The following STX11 variants were observed in gnomAD, a reference collection of about 807,000 sequenced individuals.
STX11 encodes syntaxin 11, also known as syntaxin-11.
STX11 carries 21 observed loss-of-function variants against 19.9 expected under a neutral mutation model. The observed-to-expected ratio is 1.06, with a 90% CI of 0.75 to 1.52. The LOEUF (loss-of-function observed/expected upper bound fraction) is 1.52. Ranked by LOEUF, STX11 falls within the 40% of genes most tolerant of loss-of-function variation. The probability of loss-of-function intolerance (pLI) is 0.00; values close to 1 mark genes in which losing one functional copy is unlikely to be tolerated. For missense variants in STX11, 438 were observed against 405.9 expected (o/e 1.08, Z -0.68); for synonymous variants, 193 against 174.4 (o/e 1.11, Z -0.84).
chr6:144,166,208 T>C (rs1801472983), intron 1 of STX11, among the ~76,000 whole-genome samples: 1 of 152,238 alleles, frequency 6.6e-6, no homozygotes. Context: ...GTGAGGGGAA[T>C]ACAGCTTACC....
the STX11 span, among the ~76,000 whole-genome samples, chr6:144,140,437 T>C: frequency 6.6e-6 from 1 of 151,444 alleles, no homozygotes; most frequent in African/African-American, 2.4e-5. Flanking sequence ...GTATTTTTAG[T>C]AGAGATGGGG....
Position 144,187,697 on chromosome 6 carries a change from T to A in STX11, c.*206T>A, listed in dbSNP as rs1321273703. 4 of 676,880 alleles carry A rather than the reference T, an allele frequency of 5.9e-6. No individual in the cohort carries two copies. Among genetic ancestry groups the A allele is most frequent in the Non-Finnish European group, 1.0e-5 (4 of 392,690 alleles). 41.9% of individuals were successfully genotyped at this position (676,880 alleles called of 1,614,324 possible). Reference sequence around the variant, plus strand: ...TTGATACCGTCCGATGATTCTTCAGTAAAGATAGATTCCCACAAAGTTGTG... The same window carrying A: ...TTGATACCGTCCGATGATTCTTCAGAAAAGATAGATTCCCACAAAGTTGTG... On this transcript the variant is annotated 3_prime_UTR_variant, in exon 2 of 2. Transcript: ENST00000367568. This position sits in a 1 kb window ranked among gnomAD's most constrained non-coding sequence, Gnocchi z 5.6.
chr6:144,154,380 T>G lies in STX11; in HGVS notation c.-6+3677T>G, dbSNP rs1440416989. 6.6e-6 allele frequency among the ~76,000 whole-genome samples: 1 copy of G among 152,182 alleles called. No homozygotes were observed. Among genetic ancestry groups the G allele is most frequent in the Non-Finnish European group, 1.5e-5 (1 of 68,028 alleles). On this transcript the variant is annotated intron_variant, in intron 1 of 1. Transcript: ENST00000367568. The surrounding 1 kb of genome is among the most constrained non-coding windows in gnomAD (Gnocchi z 4.7). ...CACTCCAAGAAATACCTGATTCATCTAGGAAGAAACCTGGAATAATCAGAC... is the reference window on the plus strand; with the variant it reads ...CACTCCAAGAAATACCTGATTCATCGAGGAAGAAACCTGGAATAATCAGAC...
In STX11 at chr6:144,152,129, T is replaced by C. The variant is rs1801022422; in HGVS notation, c.-6+1426T>C. ...GTTTCTGTGCCAATATAACTCAATA[T>C]GCTGGGTCCCAGTGTATTTAAAGAG... On this transcript the variant is annotated intron_variant, in intron 1 of 1. Coordinates refer to ENST00000367568, the MANE Select transcript of STX11 (RefSeq NM_003764.4). The surrounding 1 kb of genome is among the most constrained non-coding windows in gnomAD (Gnocchi z 4.9). Among the ~76,000 whole-genome samples, 1 of 152,206 alleles carries C rather than the reference T, an allele frequency of 6.6e-6. No individual in the cohort carries two copies. The highest frequency in any genetic ancestry group is 2.4e-5 in the African/African-American group (1 of 41,444).
In STX11 at chr6:144,176,968, A is replaced by T. The variant is rs994882651; in HGVS notation, c.-5-9655A>T. ...GTACCTTGTGTAAAAGATATCAGCC[A>T]TATATAAGAATATTTTTTCTGGGAG... is the stretch of plus-strand genomic sequence containing the variant. On this transcript the variant is annotated intron_variant, in intron 1 of 1. Coordinates refer to ENST00000367568, the MANE Select transcript of STX11 (RefSeq NM_003764.4). The surrounding 1 kb of genome is among the most constrained non-coding windows in gnomAD (Gnocchi z 4.1). 6.6e-6 allele frequency among the ~76,000 whole-genome samples: 1 copy of T among 152,252 alleles called. No individual in the cohort carries two copies. The highest frequency in any genetic ancestry group is 2.4e-5 in the African/African-American group (1 of 41,474).
At chr6:144,173,021 C>T (rs1021365752) in intron 1 of STX11, among the ~76,000 whole-genome samples, 11 of 152,198 alleles carry the variant, frequency 7.2e-5, no homozygotes, top group African/African-American at 2.4e-4. Flanking sequence ...CTCTGCTTTT[C>T]AGAAGTGGTT....
chr6:144,185,787 A>C (rs536074880), intron 1 of STX11, among the ~76,000 whole-genome samples: 11 of 152,340 alleles, frequency 7.2e-5, no homozygotes, highest in African/African-American at 2.2e-4. Context: ...GGAAACCTCA[A>C]CTTCTAAATT....
chr6:144,175,722 C>G lies in STX11; in HGVS notation c.-5-10901C>G, dbSNP rs1208217040. Among the ~76,000 whole-genome samples, 1 of 152,200 alleles carries G rather than the reference C, an allele frequency of 6.6e-6. No individual in the cohort carries two copies. Among genetic ancestry groups the G allele is most frequent in the Non-Finnish European group, 1.5e-5 (1 of 68,038 alleles). ...CATTACAGGCTTTTTCTGCTCTCAC[C>G]TTCTTTGATTTTACTTAACATGGTG... On this transcript the variant is annotated intron_variant, in intron 1 of 1. Transcript: ENST00000367568. The surrounding 1 kb of genome is among the most constrained non-coding windows in gnomAD (Gnocchi z 5.1).
In STX11 at chr6:144,184,479, CCTG is replaced by C. The variant is rs1191426781; in HGVS notation, c.-5-2141_-5-2139del. ...GAAAAAGTATTGTTTTTAAAAAATT[CCTG>C]CTAACTTTATGGGCAAGAAAATTCT... On this transcript the variant is annotated intron_variant, in intron 1 of 1. Transcript: ENST00000367568. The surrounding 1 kb of genome is among the most constrained non-coding windows in gnomAD (Gnocchi z 6.5). Among the ~76,000 whole-genome samples, 2 of 152,238 alleles carry C rather than the reference CCTG, an allele frequency of 1.3e-5. No homozygotes were observed. Among genetic ancestry groups the C allele is most frequent in the African/African-American group, 4.8e-5 (2 of 41,470 alleles).
At position 144,189,789 on chromosome 6, in the gene STX11, C is replaced by T. The variant is rs3734227; in HGVS notation, c.*2298C>T. Among the ~76,000 whole-genome samples, 41,545 of 152,016 alleles carry T rather than the reference C, an allele frequency of 0.27. 5,959 individuals are homozygous for T. The highest frequency in any genetic ancestry group is 0.36 in the East Asian group (1,868 of 5,164). On this transcript the variant is annotated 3_prime_UTR_variant, in exon 2 of 2. Coordinates refer to ENST00000367568, the MANE Select transcript of STX11 (RefSeq NM_003764.4). ...TCCACAAGGCTATTCTCATATTTCT[C>T]CCAATTTCTTTTTCAGCCAACTCCA...
rs751092098 is a variant in STX11 at position 144,187,729 on chromosome 6, C to G, written c.*238C>G. 1.8e-5 allele frequency: 11 copies of G among 618,890 alleles called. No individual in the cohort carries two copies. The highest frequency in any genetic ancestry group is 3.2e-5 in the Non-Finnish European group (11 of 343,570). 38.3% of individuals were successfully genotyped at this position (618,890 alleles called of 1,614,324 possible). A position where few individuals can be genotyped will look rare whatever the true frequency, so the allele number is the denominator to read the frequency against. ...AGATTCCCACAAAGTTGTGCAATGT[C>G]ATTATATGACACCTTGCACTCTTAC... On this transcript the variant is annotated 3_prime_UTR_variant, in exon 2 of 2. Transcript: ENST00000367568. The surrounding 1 kb of genome is among the most constrained non-coding windows in gnomAD (Gnocchi z 5.6).
rs762359713 is a variant in STX11, at chr6:144,187,454, G to C, written c.827G>C (p.Arg276Pro). The change falls in exon 2 of 2, where the codon CGG becomes CCG. Residue 276 changes from arginine to proline, a missense_variant. Coordinates refer to ENST00000367568, the MANE Select transcript of STX11 (RefSeq NM_003764.4). The surrounding 1 kb of genome is among the most constrained non-coding windows in gnomAD (Gnocchi z 5.6). The stretch of plus-strand genomic sequence containing the variant: ...CAGTACGAGGAGAAGAACCCCTGCC[G>C]GACCCTCTGCTGCTTCTGCTGTCCC... ...AVQYEEKNPC[R>P]TLCCFCCPCL... is the part of the protein sequence containing the mutation. 3 of 1,612,216 alleles carry C rather than the reference G, an allele frequency of 1.9e-6. No individual in the cohort carries two copies. The Admixed American group carries it at 5.0e-5, about 27-fold the overall frequency.
chr6:144,145,642 C>G (rs572231862), upstream of STX11, among the ~76,000 whole-genome samples: 1 of 152,024 alleles, frequency 6.6e-6, no homozygotes, highest in Non-Finnish European at 1.5e-5. Context: ...GTGAAATAAG[C>G]CAGGCACAGA....
At position 144,184,090 on chromosome 6, in the gene STX11, G is replaced by A; in HGVS notation, c.-5-2533G>A. Among the ~76,000 whole-genome samples the A allele has an allele frequency of 6.6e-6, 1 of 152,168 alleles. No individual in the cohort carries two copies. The highest frequency in any genetic ancestry group is 1.9e-4 in the East Asian group (1 of 5,198). On this transcript the variant is annotated intron_variant, in intron 1 of 1. Coordinates refer to ENST00000367568, the MANE Select transcript of STX11 (RefSeq NM_003764.4). The surrounding 1 kb of genome is among the most constrained non-coding windows in gnomAD (Gnocchi z 6.5). ...TTCCTCTTTATGGCTGTATAGTACA[G>A]TCTAACATTGATGGGCATTTGGGTT...
rs561475680 is a variant in STX11 at position 144,180,701 on chromosome 6, G to T, written c.-5-5922G>T. Reference sequence around the variant, plus strand: ...ATGTCTTTATCAGCAGTGTGAAAATGGACTAATACAATGTGATTGTCACCT... The same window carrying T: ...ATGTCTTTATCAGCAGTGTGAAAATTGACTAATACAATGTGATTGTCACCT... On this transcript the variant is annotated intron_variant, in intron 1 of 1. Coordinates refer to ENST00000367568, the MANE Select transcript of STX11 (RefSeq NM_003764.4). This position sits in a 1 kb window ranked among gnomAD's most constrained non-coding sequence, Gnocchi z 5.3. 1.3e-5 allele frequency among the ~76,000 whole-genome samples: 2 copies of T among 152,252 alleles called. No homozygotes were observed. The highest frequency in any genetic ancestry group is 4.1e-4 in the South Asian group (2 of 4,824).
At position 144,191,316 on chromosome 6, in the gene STX11, T is replaced by C. The variant is rs1444855857; in HGVS notation, c.*3825T>C. Among the ~76,000 whole-genome samples, 1 of 149,256 alleles carries C rather than the reference T, an allele frequency of 6.7e-6. No homozygotes were observed. The highest frequency in any genetic ancestry group is 1.5e-5 in the Non-Finnish European group (1 of 67,522). ...GTTAGAATTTTAAAAATGTCAGTCA[T>C]TCAAAAATATTTGAACTGTGACATC... On this transcript the variant is annotated 3_prime_UTR_variant, in exon 2 of 2. Transcript: ENST00000367568.
chr6:144,143,598 T>C, the STX11 span, among the ~76,000 whole-genome samples: 1 of 152,174 alleles, frequency 6.6e-6, no homozygotes, highest in South Asian at 2.1e-4. Flanking sequence ...TTGGAATACA[T>C]TTCCTGACCT....
intron 1 of STX11, among the ~76,000 whole-genome samples, chr6:144,179,094 T>A (rs1441625423): frequency 2.0e-5 from 3 of 152,132 alleles, no homozygotes; most frequent in African/African-American, 7.2e-5. Flanking sequence ...GCATGGTGAA[T>A]GCAAGGAGGG....
rs873412 is a variant in STX11, at chr6:144,167,653, C to G, written c.-6+16950C>G. On this transcript the variant is annotated intron_variant, in intron 1 of 1. Transcript: ENST00000367568. This position sits in a 1 kb window ranked among gnomAD's most constrained non-coding sequence, Gnocchi z 5.0. ...TCTTTTTTTGAGACAAGATCTTGCT[C>G]TGTTGCTCAGGTTAAAGTGCAGTGG... 0.31 allele frequency among the ~76,000 whole-genome samples: 47,487 copies of G among 152,004 alleles called. 8,001 individuals are homozygous for G. Among genetic ancestry groups the G allele is most frequent in the Non-Finnish European group, 0.39 (26,182 of 67,968 alleles).
Sources: gnomAD v4.1 joint callset for allele counts (sites outside exome capture counted in the v4.1 genomes callset) on GRCh38, gnomAD v4.1.1 for gene constraint, Gnocchi (gnomAD v3.1) non-coding constraint, MANE v1.5 for transcripts, NCBI Gene and HGNC (gene_info 2026-07-23, HGNC 2026-07-21) for gene names.